KIF26B: variants seen among roughly 807,000 people sequenced by gnomAD.
The protein encoded by KIF26B is kinesin-like protein KIF26B.
Under a neutral mutation model 151.2 loss-of-function variants are expected in KIF26B, and 63 were observed. That is an observed-to-expected ratio of 0.42 (90% CI 0.34 to 0.51). The LOEUF is 0.51. Ranked by LOEUF, KIF26B falls within the 20% of genes least tolerant of loss-of-function variation. KIF26B has a pLI of 0.07. For synonymous variants in KIF26B, 1,357 were observed against 1,262.1 expected, an observed-to-expected ratio of 1.08 and a Z score of -1.59; for missense variants, 2,813 against 2,913.6, an observed-to-expected ratio of 0.97 and a Z score of 0.79.
At chr1:245,307,772 G>A (rs987535191) in intron 2 of KIF26B, among the ~76,000 whole-genome samples, 2 of 139,524 alleles carry the variant, frequency 1.4e-5, no homozygotes, top group Non-Finnish European at 3.0e-5. Context: ...ACGGAGTCTC[G>A]CTCTGTCGCC....
intron 4 of KIF26B, among the ~76,000 whole-genome samples, chr1:245,460,739 G>A (rs1053562255): frequency 2.0e-5 from 3 of 152,206 alleles, no homozygotes; most frequent in African/African-American, 7.2e-5. Flanking sequence ...TGGTGTGCAT[G>A]CCCGTGTATC....
At position 245,167,733 on chromosome 1, in the gene KIF26B, A is replaced by G. The variant is rs372076540; in HGVS notation, c.465+11050A>G. Among the ~76,000 whole-genome samples the G allele has an allele frequency of 1.3e-5, 2 of 152,146 alleles. No individual in the cohort carries two copies. The highest frequency in any genetic ancestry group is 4.1e-4 in the South Asian group (2 of 4,824). On this transcript the variant is annotated intron_variant, in intron 2 of 14. Coordinates refer to ENST00000407071, the MANE Select transcript of KIF26B (RefSeq NM_018012.4). The surrounding 1 kb of genome is among the most constrained non-coding windows in gnomAD (Gnocchi z 4.2). ...ACAGCAGGGAGTCTCAGTCCTAAGC[A>G]GGTGGCAGAGTGTCTTCCCCATGGT...
chr1:245,242,224 C>T (rs941761770), intron 2 of KIF26B, among the ~76,000 whole-genome samples: 2 of 152,168 alleles, frequency 1.3e-5, no homozygotes, highest in Admixed American at 6.5e-5. Flanking sequence ...GACCCTGTCT[C>T]TATGCCTTCC....
At chr1:245,273,821 A>G (rs1320215818) in intron 2 of KIF26B, among the ~76,000 whole-genome samples, 3 of 152,156 alleles carry the variant, frequency 2.0e-5, no homozygotes, top group African/African-American at 7.2e-5. Flanking sequence ...CCATTTAGCT[A>G]CTGTATGTCT....
At chr1:245,261,472 TCTCTCTCTCTC>T (rs1670638508) in intron 2 of KIF26B, among the ~76,000 whole-genome samples, 1 of 7,934 alleles carries the variant, frequency 1.3e-4, no homozygotes, top group African/African-American at 2.8e-4. Context: ...TTTCTTTCTC[TCTCTCTCTCTC>T]TCTCTCTCTC....
At position 245,307,742 on chromosome 1, in the gene KIF26B, CTTT is replaced by C. The variant is rs35577186; in HGVS notation, c.466-59078_466-59076del. 3.4e-3 allele frequency among the ~76,000 whole-genome samples: 446 copies of C among 132,852 alleles called. 2 individuals are homozygous for C. The highest frequency in any genetic ancestry group is 0.012 in the African/African-American group (396 of 34,300). 87.2% of individuals were successfully genotyped at this position (132,852 alleles called of 152,430 possible). A position where few individuals can be genotyped will look rare whatever the true frequency, so the allele number is the denominator to read the frequency against. ...ATCTCTACCAGGAATCTCTCTCTCT[CTTT>C]TTTTTTTTTTTTTGAGACGGAGTCT... On this transcript the variant is annotated intron_variant, in intron 2 of 14. Transcript: ENST00000407071.
intron 2 of KIF26B, among the ~76,000 whole-genome samples, chr1:245,320,648 G>GT (rs796346841): frequency 7.0e-4 from 107 of 152,028 alleles, no homozygotes; most frequent in African/African-American, 2.4e-3. Context: ...AATCTAACTG[G>GT]TTTTTTTTGT....
rs1389205346 is a variant in KIF26B at position 245,495,287 on chromosome 1, T to TGGAAGAGG, written c.1167-45470_1167-45463dup. Reference sequence around the variant, plus strand: ...CACATGTAACATATAATTGAAGGCCTGGAAGAGGGGAAGAGGGAATGAGGC... The same window carrying TGGAAGAGG: ...CACATGTAACATATAATTGAAGGCCTGGAAGAGGGGAAGAGGGGAAGAGGGAATGAGGC... On this transcript the variant is annotated intron_variant, in intron 4 of 14. Transcript: ENST00000407071. The surrounding 1 kb of genome is among the most constrained non-coding windows in gnomAD (Gnocchi z 4.2). Among the ~76,000 whole-genome samples, 9 of 152,146 alleles carry TGGAAGAGG rather than the reference T, an allele frequency of 5.9e-5. No individual in the cohort carries two copies. Among genetic ancestry groups the TGGAAGAGG allele is most frequent in the Non-Finnish European group, 1.3e-4 (9 of 68,020 alleles).
intron 4 of KIF26B, among the ~76,000 whole-genome samples, chr1:245,456,768 C>G (rs1363701292): frequency 6.6e-6 from 1 of 152,194 alleles, no homozygotes; most frequent in Non-Finnish European, 1.5e-5. Flanking sequence ...ATAAGGTAAC[C>G]TTGTTATTGT....
In KIF26B at chr1:245,583,732, C is replaced by T. The variant is rs758149800; in HGVS notation, c.1351-18845C>T. Among the ~76,000 whole-genome samples, 8 of 152,320 alleles carry T rather than the reference C, an allele frequency of 5.3e-5. No individual in the cohort carries two copies. The South Asian group carries it at 1.0e-3, about 20-fold the overall frequency. ...AGGCCTGGGTTACATCACCACCTCA[C>T]TTTCGGTGTGTCAAAGCTGGAAAAA... On this transcript the variant is annotated intron_variant, in intron 5 of 14. Coordinates refer to ENST00000407071, the MANE Select transcript of KIF26B (RefSeq NM_018012.4).
chr1:245,365,513 T>TCCCCCCCCCCC (rs528122828), intron 2 of KIF26B, among the ~76,000 whole-genome samples: 2 of 137,238 alleles, frequency 1.5e-5, no homozygotes, highest in African/African-American at 6.3e-5. Flanking sequence ...GCCTCACAAC[T>TCCCCCCCCCCC]CCCCCCCACC....
chr1:245,695,119 C>T (rs1017187391), intron 12 of KIF26B, among the ~76,000 whole-genome samples: 3 of 152,130 alleles, frequency 2.0e-5, no homozygotes, highest in African/African-American at 7.2e-5. Context: ...CCGGGCTTGG[C>T]AGAAAACTGG....
chr1:245,190,629 G>GTTTTTTTTTTTTTTTTTTTTTTT (rs768099890), intron 2 of KIF26B, among the ~76,000 whole-genome samples: 2 of 80,104 alleles, frequency 2.5e-5, no homozygotes, highest in Non-Finnish European at 2.7e-5. Flanking sequence ...TTCCCTGAAT[G>GTTTTTTTTTTTTTTTTTTTTTTT]TTTTGTTTTG....
chr1:245,478,025 C>T (rs970714823), intron 4 of KIF26B, among the ~76,000 whole-genome samples: 13 of 151,834 alleles, frequency 8.6e-5, no homozygotes, highest in African/African-American at 2.7e-4. Context: ...ACCCACTCAT[C>T]AACATTCTGG....
intron 2 of KIF26B, among the ~76,000 whole-genome samples, chr1:245,345,340 G>A (rs556452893): frequency 6.6e-6 from 1 of 152,210 alleles, no homozygotes; most frequent in South Asian, 2.1e-4. Context: ...ACAGTTGTCT[G>A]GGAAACATCA....
chr1:245,406,401 A>G (rs766137001), intron 3 of KIF26B, among the ~76,000 whole-genome samples: 1 of 152,202 alleles, frequency 6.6e-6, no homozygotes, highest in East Asian at 1.9e-4. Context: ...TGGCTGTGGT[A>G]TGGAGTGGCT....
At chr1:245,399,185 G>A (rs774259076) in intron 3 of KIF26B, among the ~76,000 whole-genome samples, 6 of 152,096 alleles carry the variant, frequency 3.9e-5, no homozygotes, top group Non-Finnish European at 7.4e-5. Context: ...TCTTTTAACT[G>A]TACCATTATT....
At chr1:245,391,132 A>C (rs1572038537) in intron 3 of KIF26B, among the ~76,000 whole-genome samples, 1 of 152,160 alleles carries the variant, frequency 6.6e-6, no homozygotes, top group African/African-American at 2.4e-5. Flanking sequence ...GAAGATACAG[A>C]TAACTCAGTA....
intron 4 of KIF26B, among the ~76,000 whole-genome samples, chr1:245,500,320 T>C (rs1451259520): frequency 6.6e-6 from 1 of 152,238 alleles, no homozygotes; most frequent in Non-Finnish European, 1.5e-5. Flanking sequence ...GAAATGGTAT[T>C]GGTCATTTAA....
Sources: gnomAD v4.1 joint callset for allele counts (sites outside exome capture counted in the v4.1 genomes callset) on GRCh38, gnomAD v4.1.1 for gene constraint, Gnocchi (gnomAD v3.1) non-coding constraint, MANE v1.5 for transcripts, NCBI Gene and HGNC (gene_info 2026-07-23, HGNC 2026-07-21) for gene names.